Variants in AKAP13 observed in about 807,000 individuals in gnomAD.
AKAP13 encodes A-kinase anchor protein 13.
AKAP13 carries 80 observed loss-of-function variants against 264.5 expected under a neutral mutation model. That is an observed-to-expected ratio of 0.30 (90% CI 0.25 to 0.36). The LOEUF is 0.36. Ranked by LOEUF, AKAP13 falls within the 10% of genes least tolerant of loss-of-function variation. The probability of loss-of-function intolerance (pLI) is 1.00; values close to 1 mark genes in which losing one functional copy is unlikely to be tolerated. For missense variants in AKAP13, 3,712 were observed against 3,435.2 expected, an observed-to-expected ratio of 1.08 and a Z score of -2.01; for synonymous variants, 1,380 against 1,250.2, an observed-to-expected ratio of 1.10 and a Z score of -2.19.
At chr15:85,641,125 A>G (rs2082288578) in intron 9 of AKAP13, among the ~76,000 whole-genome samples, 1 of 152,096 alleles carries the variant, frequency 6.6e-6, no homozygotes, top group African/African-American at 2.4e-5. Flanking sequence ...CACTTCCTCA[A>G]GAGAGCAATA....
intron 17 of AKAP13, among the ~76,000 whole-genome samples, chr15:85,706,372 T>A (rs1014265857): frequency 3.3e-5 from 5 of 152,232 alleles, no homozygotes; most frequent in African/African-American, 1.2e-4. Flanking sequence ...ACCACTTTGT[T>A]ATGCTTCTTG....
At chr15:85,551,179 A>G (rs1248892003) in intron 5 of AKAP13, among the ~76,000 whole-genome samples, 1 of 152,112 alleles carries the variant, frequency 6.6e-6, no homozygotes, top group African/African-American at 2.4e-5. Context: ...TTTTCCCCCT[A>G]AGTTTTCAGC....
rs2083374277 is a variant in AKAP13, at chr15:85,380,612, G to A, written c.-198G>A. Reference sequence around the variant, plus strand: ...TGCGCGGACTGGAGCTGTGTGCAGGGCCAGCGCGGAGCCCGAGCAGCCGCG... The same window carrying A: ...TGCGCGGACTGGAGCTGTGTGCAGGACCAGCGCGGAGCCCGAGCAGCCGCG... On this transcript the variant is annotated 5_prime_UTR_variant, in exon 1 of 37. Coordinates refer to ENST00000394518, the MANE Select transcript of AKAP13 (RefSeq NM_007200.5). The A allele has an allele frequency of 6.6e-6, 1 of 151,962 alleles. No homozygotes were observed. The highest frequency in any genetic ancestry group is 2.1e-4 in the South Asian group (1 of 4,808). The allele number at this position is 151,962 out of a possible 1,614,324, so 9.4% of individuals were successfully genotyped here.
chr15:85,633,406 G>A (rs886791793), intron 8 of AKAP13, among the ~76,000 whole-genome samples: 2 of 151,676 alleles, frequency 1.3e-5, no homozygotes, highest in African/African-American at 2.4e-5. Flanking sequence ...GCTTAAAAGT[G>A]TAGTTTTGTA....
At chr15:85,626,100 C>T (rs2081398135) in intron 8 of AKAP13, among the ~76,000 whole-genome samples, 1 of 152,192 alleles carries the variant, frequency 6.6e-6, no homozygotes, top group Admixed American at 6.5e-5. Context: ...ACATATGGAG[C>T]TTGTCCTCTG....
rs773065285 is a variant in AKAP13, at chr15:85,580,355, C to T, written c.2287C>T (p.His763Tyr). Residue 763 changes from histidine (H) to tyrosine (Y), a missense_variant, in exon 7 of 37, where the codon CAT (histidine) becomes TAT (tyrosine). Physicochemically the swap from His to Tyr is moderately conservative, Grantham distance 83 (BLOSUM62 2). Coordinates refer to ENST00000394518, the MANE Select transcript of AKAP13 (RefSeq NM_007200.5). Reference protein sequence around the residue: ...TNMLEVVSHPHPVVPKMEKEL... With the variant: ...TNMLEVVSHPYPVVPKMEKEL... ...TATGCTTGAGGTGGTTTCACATCCA[C>T]ATCCAGTTGTCCCTAAAATGGAGAA... The T allele has an allele frequency of 9.9e-6, 16 of 1,614,138 alleles. No individual in the cohort carries two copies. The African/African-American group carries it at 1.5e-4, about 15-fold the overall frequency.
Position 85,580,470 on chromosome 15 carries a change from C to T in AKAP13, c.2402C>T (p.Ala801Val), listed in dbSNP as rs368700291. Residue 801 changes from alanine (A) to valine (V), a missense_variant, in exon 7 of 37, where the codon GCA (alanine) becomes GTA (valine). By Grantham distance (64) the Ala-to-Val change is moderately conservative. Transcript: ENST00000394518. ...AGTGAATCAGTAACCAAGGATGACG[C>T]ACTTTCTTTTGTCCCCTCCCAGAAA... is the stretch of plus-strand genomic sequence containing the variant. ...PGSESVTKDD[A>V]LSFVPSQKEK... 1.1e-5 allele frequency: 18 copies of T among 1,614,120 alleles called. No homozygotes were observed. The highest frequency in any genetic ancestry group is 2.2e-5 in the East Asian group (1 of 44,898).
At chr15:85,678,026 C>T (rs567424310) in intron 14 of AKAP13, among the ~76,000 whole-genome samples, 3 of 152,112 alleles carry the variant, frequency 2.0e-5, no homozygotes, top group Non-Finnish European at 4.4e-5. Flanking sequence ...AAGCTGTAGG[C>T]TTCAGATGAA....
At chr15:85,690,710 A>G (rs1471706149) in intron 16 of AKAP13, among the ~76,000 whole-genome samples, 1 of 152,194 alleles carries the variant, frequency 6.6e-6, no homozygotes, top group Non-Finnish European at 1.5e-5. Context: ...TCCCATTTTG[A>G]CTGTGCTGAT....
At chr15:85,649,709 G>A (rs558929159) in intron 10 of AKAP13, among the ~76,000 whole-genome samples, 3 of 152,198 alleles carry the variant, frequency 2.0e-5, no homozygotes, top group Admixed American at 6.5e-5. Flanking sequence ...TGAGCTTCAC[G>A]TTTATTCTCA....
At position 85,525,145 on chromosome 15, in the gene AKAP13, G is replaced by A. The variant is rs376062910; in HGVS notation, c.181+3570G>A. On this transcript the variant is annotated intron_variant, in intron 3 of 36. Coordinates refer to ENST00000394518, the MANE Select transcript of AKAP13 (RefSeq NM_007200.5). ...GCGATCTCGGCTCACTGCAAGCTCC[G>A]CCTCTTGGGTTCACGCCATCCTCCT... Among the ~76,000 whole-genome samples, 16 of 145,364 alleles carry A rather than the reference G, an allele frequency of 1.1e-4. No individual in the cohort carries two copies. The East Asian group carries it at 2.2e-3, about 20-fold the overall frequency.
At position 85,639,384 on chromosome 15, in the gene AKAP13, A is replaced by G. The variant is rs1398171980; in HGVS notation, c.4172A>G (p.Glu1391Gly). ...TTCTTTTTCTTTCAGATAAACCGAG[A>G]AAACTGGTGTACAATAGAGCCATGC... Reference protein sequence around the residue: ...QGPMTQAINRENWCTIEPCPD... With the variant: ...QGPMTQAINRGNWCTIEPCPD... Residue 1391 changes from glutamate to glycine, a missense_variant, in exon 9 of 37, where the codon GAA becomes GGA. Coordinates refer to ENST00000394518, the MANE Select transcript of AKAP13 (RefSeq NM_007200.5). The G allele has an allele frequency of 1.2e-6, 2 of 1,610,804 alleles. No individual in the cohort carries two copies. Among genetic ancestry groups the G allele is most frequent in the Admixed American group, 3.3e-5 (2 of 60,020 alleles).
At chr15:85,614,444 A>G (rs914702826) in intron 8 of AKAP13, among the ~76,000 whole-genome samples, 3 of 152,238 alleles carry the variant, frequency 2.0e-5, no homozygotes, top group African/African-American at 7.2e-5. Context: ...ATAGAGAGAA[A>G]CTTTTAAAAA....
At chr15:85,651,203 T>C (rs2082824504) in intron 10 of AKAP13, among the ~76,000 whole-genome samples, 1 of 152,226 alleles carries the variant, frequency 6.6e-6, no homozygotes, top group East Asian at 1.9e-4. Flanking sequence ...CAGGCATTTT[T>C]CCCAACATTT....
At position 85,545,015 on chromosome 15, in the gene AKAP13, G is replaced by C. The variant is rs74859569; in HGVS notation, c.662+1060G>C. Among the ~76,000 whole-genome samples the C allele has an allele frequency of 9.5e-4, 145 of 152,308 alleles. 1 individual carries two copies. The highest frequency in any genetic ancestry group is 3.3e-3 in the African/African-American group (139 of 41,558). ...AGCTTTTTCTTGATTCACTTGCCAGGCTTATACCTTTCCCCATCACGCTAG... is the reference window on the plus strand; with the variant it reads ...AGCTTTTTCTTGATTCACTTGCCAGCCTTATACCTTTCCCCATCACGCTAG... On this transcript the variant is annotated intron_variant, in intron 5 of 36. Coordinates refer to ENST00000394518, the MANE Select transcript of AKAP13 (RefSeq NM_007200.5).
At chr15:85,430,437 T>C (rs1443525895) in intron 1 of AKAP13, among the ~76,000 whole-genome samples, 2 of 152,226 alleles carry the variant, frequency 1.3e-5, no homozygotes, top group Non-Finnish European at 2.9e-5. Context: ...TGACACTTTC[T>C]CTTCAATTGT....
intron 1 of AKAP13, among the ~76,000 whole-genome samples, chr15:85,430,531 T>C (rs1041060079): frequency 6.6e-5 from 10 of 152,186 alleles, no homozygotes; most frequent in African/African-American, 1.9e-4. Context: ...GTTTGTTTCT[T>C]AAAGGCTATA....
intron 5 of AKAP13, among the ~76,000 whole-genome samples, chr15:85,563,504 A>G (rs2078489339): frequency 6.6e-6 from 1 of 152,012 alleles, no homozygotes; most frequent in Admixed American, 6.6e-5. Context: ...TCTACTTGGA[A>G]GGAACATTCC....
intron 10 of AKAP13, among the ~76,000 whole-genome samples, chr15:85,653,088 C>T (rs1235256523): frequency 6.6e-6 from 1 of 152,144 alleles, no homozygotes; most frequent in Non-Finnish European, 1.5e-5. Context: ...GAAAGTTGCC[C>T]CGTGAATAGG....
Sources: gnomAD v4.1 joint callset for allele counts (sites outside exome capture counted in the v4.1 genomes callset) on GRCh38, gnomAD v4.1.1 for gene constraint, MANE v1.5 for transcripts, NCBI Gene and HGNC (gene_info 2026-07-23, HGNC 2026-07-21) for gene names.